Variants in XPO6 observed in about 807,000 individuals in gnomAD.
XPO6 encodes the protein exportin-6.
A neutral mutation model predicts 130.0 loss-of-function variants in XPO6; 3 were observed. The ratio of observed to expected loss-of-function variants is 0.02; its 90% CI spans 0.01 to 0.06. The LOEUF (loss-of-function observed/expected upper bound fraction) is 0.06, where lower values mean the gene tolerates loss of function less well. XPO6 is among the 10% of genes least tolerant of loss of function. The probability of loss-of-function intolerance (pLI) is 1.00; values close to 1 mark genes in which losing one functional copy is unlikely to be tolerated. For missense variants in XPO6, 970 were observed against 1,393.0 expected (o/e 0.70, Z 4.83); for synonymous variants, 524 against 548.9 (o/e 0.95, Z 0.63).
At chr16:28,150,601 A>T (rs945373798) in intron 8 of XPO6, among the ~76,000 whole-genome samples, 1 of 152,190 alleles carries the variant, frequency 6.6e-6, no homozygotes, top group Non-Finnish European at 1.5e-5. Context: ...AGACATGCCT[A>T]CTTTAAAAGA....
intron 1 of XPO6, among the ~76,000 whole-genome samples, chr16:28,203,092 A>G (rs2043976501): frequency 6.6e-6 from 1 of 152,194 alleles, no homozygotes; most frequent in African/African-American, 2.4e-5. Flanking sequence ...CAGGGGCAAC[A>G]TGGTGAAACC....
At chr16:28,163,257 G>C (rs2043305794) in intron 6 of XPO6, among the ~76,000 whole-genome samples, 1 of 152,228 alleles carries the variant, frequency 6.6e-6, no homozygotes, top group South Asian at 2.1e-4. Context: ...AGGAATACAT[G>C]AAAAGATTTG....
At chr16:28,165,009 G>A (rs1285118083) in intron 6 of XPO6, among the ~76,000 whole-genome samples, 1 of 152,166 alleles carries the variant, frequency 6.6e-6, no homozygotes, top group Non-Finnish European at 1.5e-5. Flanking sequence ...TTAAGCTCAG[G>A]AGTTCAAGAT....
chr16:28,131,540 T>G (rs775668780), intron 12 of XPO6, among the ~76,000 whole-genome samples: 1 of 152,234 alleles, frequency 6.6e-6, no homozygotes, highest in Non-Finnish European at 1.5e-5. Context: ...GTGTTTTCAG[T>G]TGACAAAAAT....
intron 7 of XPO6, chr16:28,153,558 A>T (rs1263894603): frequency 8.1e-6 from 8 of 985,302 alleles, no homozygotes; most frequent in Non-Finnish European, 8.4e-6. Flanking sequence ...TTCACAGAAG[A>T]GTATGGGTCA....
chr16:28,108,794 AAAG>A (rs1392225216), intron 17 of XPO6, among the ~76,000 whole-genome samples: 1 of 152,236 alleles, frequency 6.6e-6, no homozygotes, highest in Non-Finnish European at 1.5e-5. Context: ...GGTACGGCAG[AAAG>A]AAGACATGCT....
intron 17 of XPO6, chr16:28,111,187 C>G (rs928970326): frequency 6.6e-6 from 1 of 152,144 alleles, no homozygotes; most frequent in African/African-American, 2.4e-5. Flanking sequence ...GCTGACATTC[C>G]ATAAATGGCA....
At chr16:28,105,329 T>C (rs935739563) in intron 20 of XPO6, among the ~76,000 whole-genome samples, 3 of 152,176 alleles carry the variant, frequency 2.0e-5, no homozygotes, top group Admixed American at 6.5e-5. Flanking sequence ...TGTTTTCTCA[T>C]TGACTCCAAC....
intron 7 of XPO6, chr16:28,153,257 T>A (rs2412053): frequency 0.28 from 275,946 of 987,714 alleles, 39,317 homozygotes; most frequent in Middle Eastern, 0.33. Context: ...GGCTTGCAAC[T>A]TAATGGCCAT....
At chr16:28,105,763 G>C in intron 20 of XPO6, 1 of 369,922 alleles carries the variant, frequency 2.7e-6, no homozygotes, top group Non-Finnish European at 4.9e-6. Context: ...TAGAAAACCA[G>C]AGTCTCTTAA....
intron 1 of XPO6, among the ~76,000 whole-genome samples, chr16:28,188,792 G>T (rs2043737885): frequency 6.6e-6 from 1 of 151,488 alleles, no homozygotes; most frequent in South Asian, 2.1e-4. Flanking sequence ...CAGGGCGAGT[G>T]ACATCTACCT....
chr16:28,141,443 G>C (rs962808843), intron 9 of XPO6, among the ~76,000 whole-genome samples: 4 of 152,160 alleles, frequency 2.6e-5, no homozygotes, highest in African/African-American at 9.7e-5. Context: ...TGTCAGCCAA[G>C]GCACTTTACG....
chr16:28,154,703 T>C (rs1292233653), intron 7 of XPO6: 1 of 152,158 alleles, frequency 6.6e-6, no homozygotes, highest in Non-Finnish European at 1.5e-5. Flanking sequence ...AGACAATCCA[T>C]AATGACATTT....
chr16:28,204,664 A>G (rs2141914025), intron 1 of XPO6, among the ~76,000 whole-genome samples: 1 of 152,262 alleles, frequency 6.6e-6, no homozygotes, highest in East Asian at 1.9e-4. Flanking sequence ...TGAAGGCACT[A>G]AGTTCGAGGC....
At chr16:28,145,474 T>C (rs952131936) in intron 9 of XPO6, among the ~76,000 whole-genome samples, 10 of 152,184 alleles carry the variant, frequency 6.6e-5, no homozygotes, top group Non-Finnish European at 1.0e-4. Context: ...CATTCCGCAT[T>C]CTCTGTTTTT....
At chr16:28,135,127 G>A (rs1016947762) in intron 10 of XPO6, 89 bp downstream of exon 10, 7 of 1,055,806 alleles carry the variant, frequency 6.6e-6, no homozygotes, top group Admixed American at 2.0e-5. Flanking sequence ...AACAGTCTTC[G>A]GAGCAGAGGG....
rs933696558 is a variant in XPO6 at position 28,211,540 on chromosome 16, C to T, written c.-172G>A. On this transcript the variant is annotated 5_prime_UTR_variant, in exon 1 of 24. Coordinates refer to ENST00000304658, the MANE Select transcript of XPO6 (RefSeq NM_015171.4). ...ACCCTCTAAAAAGGGCAGGGCCGCCCGGGTCGCCTCATCGGGGGACCCCGA... is the reference window on the plus strand; with the variant it reads ...ACCCTCTAAAAAGGGCAGGGCCGCCTGGGTCGCCTCATCGGGGGACCCCGA... 1 of 622,476 alleles carries T rather than the reference C, an allele frequency of 1.6e-6. No homozygotes were observed. Among genetic ancestry groups the T allele is most frequent in the African/African-American group, 1.9e-5 (1 of 52,506 alleles). 38.6% of individuals were successfully genotyped at this position (622,476 alleles called of 1,614,324 possible). A position where few individuals can be genotyped will look rare whatever the true frequency, so the allele number is the denominator to read the frequency against.
chr16:28,153,445 C>G, intron 7 of XPO6: 1 of 984,802 alleles, frequency 1.0e-6, no homozygotes, highest in Non-Finnish European at 1.2e-6. Flanking sequence ...CAAAGTCACT[C>G]AGCCAACTCA....
rs376443484 is a variant in XPO6 at position 28,101,641 on chromosome 16, G to C, written c.3093C>G (p.Leu1031=). The part of the protein sequence containing the change: ...AMLFQFVNVL[L]QVLVHKSHDL... The stretch of plus-strand genomic sequence containing the variant: ...CATGGGACTTGTGGACCAGGACCTG[G>C]AGCAGCACGTTCACAAACTGGAACA... Residue 1031 remains leucine, a synonymous_variant, in exon 23 of 24, where the codon CTC becomes CTG. Coordinates refer to ENST00000304658, the MANE Select transcript of XPO6 (RefSeq NM_015171.4). This position sits in a 1 kb window ranked among gnomAD's most constrained non-coding sequence, Gnocchi z 5.4. The C allele has an allele frequency of 1.2e-6, 2 of 1,613,202 alleles. No homozygotes were observed. The highest frequency in any genetic ancestry group is 8.5e-7 in the Non-Finnish European group (1 of 1,179,304).
Sources: gnomAD v4.1 joint callset for allele counts (sites outside exome capture counted in the v4.1 genomes callset) on GRCh38, gnomAD v4.1.1 for gene constraint, Gnocchi (gnomAD v3.1) non-coding constraint, MANE v1.5 for transcripts, NCBI Gene and HGNC (gene_info 2026-07-23, HGNC 2026-07-21) for gene names.